The following FSTL5 variants were observed in gnomAD, a reference collection of about 807,000 sequenced individuals.
FSTL5 encodes follistatin like 5.
A neutral mutation model predicts 89.1 loss-of-function variants in FSTL5; 62 were observed. The observed-to-expected ratio is 0.70, with a 90% CI of 0.57 to 0.86. The LOEUF is 0.86. FSTL5 is among the 40% of genes least tolerant of loss of function. FSTL5 has a pLI of 0.00. For synonymous variants in FSTL5, 383 were observed against 346.2 expected (o/e 1.11, Z -1.18); for missense variants, 1,057 against 1,001.6 (o/e 1.06, Z -0.75).
At chr4:161,386,538 G>A (rs1218823691) in intron 15 of FSTL5, 89 bp from the exon 16 acceptor site, 9 of 844,262 alleles carry the variant, frequency 1.1e-5, no homozygotes, top group African/African-American at 6.9e-5. Context: ...AAGGTCCATC[G>A]CAGGCTCTAA....
chr4:161,524,270 A>G (rs891082475), intron 10 of FSTL5, among the ~76,000 whole-genome samples: 18 of 151,998 alleles, frequency 1.2e-4, no homozygotes, highest in African/African-American at 4.4e-4. Context: ...GCCCACCACA[A>G]CTTTGAATTG....
At chr4:161,781,775 T>C (rs1741678802) in intron 4 of FSTL5, among the ~76,000 whole-genome samples, 1 of 152,192 alleles carries the variant, frequency 6.6e-6, no homozygotes, top group Non-Finnish European at 1.5e-5. Context: ...TTTAGATACA[T>C]TAAAGTTCTT....
chr4:161,917,535 T>C (rs1733875705), intron 4 of FSTL5, among the ~76,000 whole-genome samples: 1 of 152,172 alleles, frequency 6.6e-6, no homozygotes, highest in Admixed American at 6.5e-5. Context: ...ATATTGACTT[T>C]AATACTATCC....
chr4:161,810,651 C>T (rs1730109441), intron 4 of FSTL5, among the ~76,000 whole-genome samples: 1 of 152,144 alleles, frequency 6.6e-6, no homozygotes, highest in African/African-American at 2.4e-5. Context: ...TGACCTTGGG[C>T]ATGTTACTTA....
chr4:161,514,194 A>C (rs1440448689), intron 10 of FSTL5, among the ~76,000 whole-genome samples: 1 of 151,864 alleles, frequency 6.6e-6, no homozygotes, highest in Non-Finnish European at 1.5e-5. Context: ...TAAATAAGTG[A>C]CCATCAATGG....
intron 2 of FSTL5, among the ~76,000 whole-genome samples, chr4:162,105,070 C>T (rs1375238263): frequency 3.3e-5 from 5 of 152,194 alleles, no homozygotes; most frequent in Admixed American, 2.0e-4. Context: ...TATTTTCTCC[C>T]CTCCCCAGAT....
chr4:161,829,463 TATC>T (rs1469496581), intron 4 of FSTL5, among the ~76,000 whole-genome samples: 2 of 151,890 alleles, frequency 1.3e-5, no homozygotes, highest in East Asian at 1.9e-4. Context: ...AATCTACACA[TATC>T]ATATTATAAT....
At chr4:161,817,949 C>T (rs776926805) in intron 4 of FSTL5, among the ~76,000 whole-genome samples, 31 of 152,156 alleles carry the variant, frequency 2.0e-4, no homozygotes, top group Non-Finnish European at 3.7e-4. Context: ...GTCCCTGGCT[C>T]GGGGTCCACC....
At chr4:161,424,306 T>C (rs1424741968) in intron 15 of FSTL5, among the ~76,000 whole-genome samples, 3 of 151,960 alleles carry the variant, frequency 2.0e-5, no homozygotes, top group Admixed American at 6.6e-5. Context: ...ATAATTATTT[T>C]GTCTTTGCAT....
chr4:161,659,138 T>A (rs1736624214), intron 6 of FSTL5, among the ~76,000 whole-genome samples: 1 of 152,176 alleles, frequency 6.6e-6, no homozygotes, highest in Admixed American at 6.6e-5. Context: ...GAATTACTAT[T>A]CACTAGGAAT....
At chr4:161,607,692 A>G (rs13142883) in intron 7 of FSTL5, among the ~76,000 whole-genome samples, 38,882 of 152,070 alleles carry the variant, frequency 0.26, 5,619 homozygotes, top group Middle Eastern at 0.4. Context: ...GGTTTTGAGA[A>G]CCTGAATAAA....
intron 8 of FSTL5, among the ~76,000 whole-genome samples, chr4:161,562,860 G>A (rs1016877715): frequency 1.3e-5 from 2 of 151,750 alleles, no homozygotes; most frequent in African/African-American, 4.8e-5. Context: ...TATGATTTTA[G>A]ACTCCTGAAA....
chr4:161,610,478 T>G (rs767439939), intron 7 of FSTL5, among the ~76,000 whole-genome samples: 1 of 152,138 alleles, frequency 6.6e-6, no homozygotes, highest in Non-Finnish European at 1.5e-5. Flanking sequence ...TACAGCAAAG[T>G]TATAGCTTAA....
chr4:162,005,877 T>C (rs1195503057), intron 3 of FSTL5, among the ~76,000 whole-genome samples: 2 of 152,230 alleles, frequency 1.3e-5, no homozygotes. Flanking sequence ...AGAAATCCAC[T>C]TTCCTACTCC....
chr4:161,977,630 A>ATAAT lies in FSTL5; in HGVS notation c.160+55994_160+55995insATTA, dbSNP rs576145692. Among the ~76,000 whole-genome samples the ATAAT allele has an allele frequency of 6.7e-3, 542 of 81,168 alleles. 1 individual carries two copies. The highest frequency in any genetic ancestry group is 0.025 in the East Asian group (73 of 2,930). The allele number at this position is 81,168 out of a possible 152,430, so 53.2% of individuals were successfully genotyped here. A position where few individuals can be genotyped will look rare whatever the true frequency, so the allele number is the denominator to read the frequency against. On this transcript the variant is annotated intron_variant, in intron 3 of 15. Coordinates refer to ENST00000306100, the MANE Select transcript of FSTL5 (RefSeq NM_020116.5). ...TCCGTGTCAAAAAAAAAAAAAAAAA[A>ATAAT]AAAAAAAAAAATAATAATAATAATA...
At chr4:161,983,258 T>C (rs1372843682) in intron 3 of FSTL5, among the ~76,000 whole-genome samples, 2 of 152,214 alleles carry the variant, frequency 1.3e-5, no homozygotes, top group Non-Finnish European at 2.9e-5. Context: ...AAGTGTTTCC[T>C]TTCCGTCTTT....
At chr4:161,443,944 T>G (rs985196615) in intron 15 of FSTL5, among the ~76,000 whole-genome samples, 18 of 151,846 alleles carry the variant, frequency 1.2e-4, no homozygotes, top group African/African-American at 4.3e-4. Flanking sequence ...ACATGATCTA[T>G]AAGCAACAAG....
intron 4 of FSTL5, among the ~76,000 whole-genome samples, chr4:161,811,181 G>T (rs1014957125): frequency 1.3e-5 from 2 of 152,064 alleles, no homozygotes; most frequent in Non-Finnish European, 2.9e-5. Context: ...AAAGAAAAGT[G>T]AGAGGAGCAA....
chr4:161,912,067 G>A lies in FSTL5; in HGVS notation c.409+8337C>T, dbSNP rs141071690. Among the ~76,000 whole-genome samples the A allele has an allele frequency of 3.9e-3, 592 of 152,132 alleles. 8 individuals are homozygous for A. Among genetic ancestry groups the A allele is most frequent in the African/African-American group, 0.013 (538 of 41,518 alleles). ...AGACTAATAGAGAACAATTTTCAAC[G>A]GCATTTTCTAGAACATTTTATCCTC... On this transcript the variant is annotated intron_variant, in intron 4 of 15. Coordinates refer to ENST00000306100, the MANE Select transcript of FSTL5 (RefSeq NM_020116.5).
Sources: allele counts gnomAD v4.1 joint callset (sites outside exome capture counted in the v4.1 genomes callset), GRCh38; gene constraint gnomAD v4.1.1; transcripts MANE v1.5; gene names NCBI Gene and HGNC (gene_info 2026-07-23, HGNC 2026-07-21).